SLC8A1: variants seen among roughly 807,000 people sequenced by gnomAD.
SLC8A1 encodes the protein solute carrier family 8 member A1.
Under a neutral mutation model 68.3 loss-of-function variants are expected in SLC8A1, and 18 were observed. The ratio of observed to expected loss-of-function variants is 0.26; its 90% confidence interval spans 0.18 to 0.39. The LOEUF (loss-of-function observed/expected upper bound fraction) is 0.39. Among genes scored for constraint, SLC8A1 ranks in the 10% least tolerant of loss-of-function variants. The pLI is 1.00. For synonymous variants in SLC8A1, 475 were observed against 415.5 expected, an observed-to-expected ratio of 1.14 and a Z score of -1.74; for missense variants, 985 against 1,156.7, an observed-to-expected ratio of 0.85 and a Z score of 2.15.
intron 2 of SLC8A1, among the ~76,000 whole-genome samples, chr2:40,375,762 G>T (rs1208086608): frequency 6.6e-6 from 1 of 152,106 alleles, no homozygotes; most frequent in Non-Finnish European, 1.5e-5. Flanking sequence ...CAGCACTTTG[G>T]AAGGTCAAGG....
At chr2:40,409,207 A>T (rs1052040855) in intron 2 of SLC8A1, among the ~76,000 whole-genome samples, 1 of 152,148 alleles carries the variant, frequency 6.6e-6, no homozygotes, top group African/African-American at 2.4e-5. Context: ...CATGTAAAAG[A>T]ACCTATTAGT....
At chr2:40,148,778 A>C (rs1488395222) in intron 6 of SLC8A1, among the ~76,000 whole-genome samples, 1 of 152,224 alleles carries the variant, frequency 6.6e-6, no homozygotes, top group Admixed American at 6.5e-5. Flanking sequence ...AAGAGAAGTT[A>C]TATGCTTACA....
chr2:40,505,781 A>C (rs1241584150), intron 1 of SLC8A1, among the ~76,000 whole-genome samples: 2 of 152,018 alleles, frequency 1.3e-5, no homozygotes, highest in Admixed American at 1.3e-4. Flanking sequence ...AACGGAGCTT[A>C]AATAGGCATT....
At chr2:40,386,396 C>T (rs1234898048) in intron 2 of SLC8A1, among the ~76,000 whole-genome samples, 1 of 151,040 alleles carries the variant, frequency 6.6e-6, no homozygotes, top group Non-Finnish European at 1.5e-5. Context: ...CCTGAGGCTT[C>T]CTCTCAGACC....
In SLC8A1 at chr2:40,164,947, C is replaced by T. The variant is rs550099913; in HGVS notation, c.1968G>A (p.Glu656=). ...TTTCTGCAATGCGCCTCTCCTCTTCCTCTTTGCTGGTCAGTGGCTGCTTGT... is the reference window on the plus strand; with the variant it reads ...TTTCTGCAATGCGCCTCTCCTCTTCTTCTTTGCTGGTCAGTGGCTGCTTGT... The change falls in exon 5 of 8, where the codon GAG becomes GAA. Residue 656 remains glutamate, a synonymous_variant. Coordinates refer to ENST00000406785, the Ensembl canonical transcript of SLC8A1. The T allele has an allele frequency of 6.8e-6, 11 of 1,614,016 alleles. No homozygotes were observed. In the East Asian group the frequency reaches 1.8e-4, roughly 26 times the overall value.
chr2:40,234,125 A>G (rs1359230786), intron 2 of SLC8A1, among the ~76,000 whole-genome samples: 3 of 152,110 alleles, frequency 2.0e-5, no homozygotes, highest in South Asian at 4.2e-4. Context: ...CTTTTTTCCA[A>G]TTCTGTGAAG....
chr2:40,503,112 G>A (rs531452632), intron 1 of SLC8A1, among the ~76,000 whole-genome samples: 80 of 152,070 alleles, frequency 5.3e-4, no homozygotes, highest in African/African-American at 1.9e-3. Context: ...ATAATCACAT[G>A]TTTCTGTAGG....
chr2:40,120,066 A>T (rs1220296311), intron 7 of SLC8A1, among the ~76,000 whole-genome samples: 1 of 152,212 alleles, frequency 6.6e-6, no homozygotes, highest in Non-Finnish European at 1.5e-5. Flanking sequence ...CTCAAACTTT[A>T]TTGCTACTTA....
At chr2:40,237,116 G>A (rs1293533934) in intron 2 of SLC8A1, among the ~76,000 whole-genome samples, 2 of 151,650 alleles carry the variant, frequency 1.3e-5, no homozygotes, top group Admixed American at 6.6e-5. Context: ...TATCTTTGTG[G>A]CGTTCTCTGT....
chr2:40,102,957 A>G (rs1364474753), exon 8 of SLC8A1: 1 of 152,214 alleles, frequency 6.6e-6, no homozygotes, highest in Admixed American at 6.5e-5. Context: ...CACTGGAATT[A>G]TAACAGAAAT....
intron 2 of SLC8A1, among the ~76,000 whole-genome samples, chr2:40,308,496 T>C (rs557250375): frequency 6.6e-6 from 1 of 152,286 alleles, no homozygotes; most frequent in Non-Finnish European, 1.5e-5. Flanking sequence ...ACCTGGGCCA[T>C]TTCTGCTAGG....
chr2:40,381,110 T>G (rs1212008073), intron 2 of SLC8A1, among the ~76,000 whole-genome samples: 1 of 152,190 alleles, frequency 6.6e-6, no homozygotes, highest in Non-Finnish European at 1.5e-5. Flanking sequence ...AAGCCAAATT[T>G]TCTAGATTGT....
intron 2 of SLC8A1, among the ~76,000 whole-genome samples, chr2:40,418,617 G>C (rs1162403817): frequency 6.6e-6 from 1 of 152,174 alleles, no homozygotes; most frequent in African/African-American, 2.4e-5. Flanking sequence ...ACCATTTAGA[G>C]AAAGGACTCA....
exon 8 of SLC8A1, chr2:40,105,842 T>C (rs2125038839): frequency 2.0e-5 from 3 of 152,372 alleles, no homozygotes; most frequent in Middle Eastern, 6.8e-3. Context: ...CTAGGATTGG[T>C]CCCACCTACT....
intron 2 of SLC8A1, among the ~76,000 whole-genome samples, chr2:40,205,900 G>A (rs1333209202): frequency 1.3e-5 from 2 of 151,738 alleles, no homozygotes; most frequent in African/African-American, 4.8e-5. Context: ...TGGCCCATGG[G>A]TGCAGGGATC....
At chr2:40,167,909 A>C (rs538332109) in intron 4 of SLC8A1, among the ~76,000 whole-genome samples, 1 of 152,274 alleles carries the variant, frequency 6.6e-6, no homozygotes, top group African/African-American at 2.4e-5. Flanking sequence ...ATAGAACAAT[A>C]AGTTTCATTG....
At chr2:40,366,464 A>T (rs888441664) in intron 2 of SLC8A1, among the ~76,000 whole-genome samples, 1 of 152,100 alleles carries the variant, frequency 6.6e-6, no homozygotes, top group African/African-American at 2.4e-5. Flanking sequence ...AACAAATGGA[A>T]TAATATGTCA....
At chr2:40,244,355 A>G (rs2061575387) in intron 2 of SLC8A1, among the ~76,000 whole-genome samples, 1 of 151,936 alleles carries the variant, frequency 6.6e-6, no homozygotes, top group Non-Finnish European at 1.5e-5. Context: ...ATCTCTTTAA[A>G]TTTCCCAACA....
intron 5 of SLC8A1, among the ~76,000 whole-genome samples, chr2:40,162,782 G>A (rs2045907165): frequency 6.6e-6 from 1 of 152,008 alleles, no homozygotes; most frequent in South Asian, 2.1e-4. Context: ...ATTTTCAAAG[G>A]CTTGTGAAAA....
Sources: gnomAD v4.1 joint callset for allele counts (sites outside exome capture counted in the v4.1 genomes callset) on GRCh38, gnomAD v4.1.1 for gene constraint, MANE v1.5 for transcripts, NCBI Gene and HGNC (gene_info 2026-07-23, HGNC 2026-07-21) for gene names.